Variants in SAMD14 observed in about 807,000 individuals in gnomAD.
SAMD14 encodes the protein sterile alpha motif domain-containing protein 14.
A neutral mutation model predicts 46.2 loss-of-function variants in SAMD14; 27 were observed. The observed-to-expected ratio is 0.58, with a 90% confidence interval of 0.43 to 0.81. The LOEUF is 0.81. Ranked by LOEUF, SAMD14 falls within the 30% of genes least tolerant of loss-of-function variation. The pLI is 0.00. For synonymous variants in SAMD14, 241 were observed against 254.3 expected, an observed-to-expected ratio of 0.95 and a Z score of 0.50; for missense variants, 559 against 582.2, an observed-to-expected ratio of 0.96 and a Z score of 0.41.
At position 50,117,690 on chromosome 17, in the gene SAMD14, G is replaced by T; in HGVS notation, c.216C>A (p.Thr72=). 2 of 1,452,678 alleles carry T rather than the reference G, an allele frequency of 1.4e-6. No individual in the cohort carries two copies. The highest frequency in any genetic ancestry group is 2.7e-5 in the East Asian group (1 of 36,482). 90.0% of individuals were successfully genotyped at this position (1,452,678 alleles called of 1,614,324 possible). ...EGSDGPGGKV[T]DGCGSPLHRL... ...GGTGCAGGGGGCTCCCGCAGCCATC[G>T]GTCACCTGGACGAGGGGGCAGCCGC... is the stretch of plus-strand genomic sequence containing the variant. The change falls in exon 4 of 10, where the codon ACC becomes ACA. Residue 72 remains threonine (T), a synonymous_variant. Coordinates refer to ENST00000330175, the MANE Select transcript of SAMD14 (RefSeq NM_001257359.2).
chr17:50,127,827 G>T (rs1911849054), intron 1 of SAMD14, among the ~76,000 whole-genome samples: 1 of 152,164 alleles, frequency 6.6e-6, no homozygotes, highest in African/African-American at 2.4e-5. Context: ...CACATTTCCT[G>T]ATTCAACCAC....
Position 50,118,224 on chromosome 17 carries a change from G to A in SAMD14, c.147C>T (p.Ser49=). ...AKGRRHRPSR[S]RLRDSASSAE... is the part of the protein sequence containing the mutation. ...CGGAGCTGGCACTGTCCCGAAGCCT[G>A]GAGCGGGATGGCCGGTGTCTCCGGC... Residue 49 remains serine (S), a synonymous_variant, in exon 3 of 10, where the codon TCC becomes TCT. Coordinates refer to ENST00000330175, the MANE Select transcript of SAMD14 (RefSeq NM_001257359.2). The A allele has an allele frequency of 6.2e-7, 1 of 1,613,798 alleles. No homozygotes were observed. Among genetic ancestry groups the A allele is most frequent in the Non-Finnish European group, 8.5e-7 (1 of 1,179,854 alleles).
At chr17:50,128,135 C>A (rs1353747965) in intron 1 of SAMD14, among the ~76,000 whole-genome samples, 2 of 152,286 alleles carry the variant, frequency 1.3e-5, no homozygotes, top group Non-Finnish European at 1.5e-5. Context: ...AGTGTTGTCT[C>A]CTTTCTGCCT....
Position 50,113,046 on chromosome 17 carries a change from G to C in SAMD14, c.1101C>G (p.Ser367Arg). The change falls in exon 10 of 10, where the codon AGC (serine) becomes AGG (arginine). Residue 367 changes from serine to arginine, a missense_variant and splice_region_variant. Ser to Arg is a moderately radical substitution (Grantham distance 110). Coordinates refer to ENST00000330175, the MANE Select transcript of SAMD14 (RefSeq NM_001257359.2). Reference sequence around the variant, plus strand: ...GGTCATGAGAGTTGCTGAGCCCCAGGCTCTGGGGAGGAGTCCGGGGTGAGG... The same window carrying C: ...GGTCATGAGAGTTGCTGAGCCCCAGCCTCTGGGGAGGAGTCCGGGGTGAGG... ...LLQLDGSKLK[S>R]LGLSNSHDRA... 6.2e-7 allele frequency: 1 copy of C among 1,611,676 alleles called. No homozygotes were observed. The highest frequency in any genetic ancestry group is 1.1e-5 in the South Asian group (1 of 91,082).
rs953554306 is a variant in SAMD14 at position 50,111,390 on chromosome 17, A to G, written c.*1503T>C. The G allele has an allele frequency of 3.9e-5, 6 of 152,386 alleles. No individual in the cohort carries two copies. Among genetic ancestry groups the G allele is most frequent in the South Asian group, 2.1e-4 (1 of 4,824 alleles). The allele number at this position is 152,386 out of a possible 1,614,324, so 9.4% of individuals were successfully genotyped here. On this transcript the variant is annotated 3_prime_UTR_variant, in exon 10 of 10. Transcript: ENST00000330175. ...CTTCACATGCAGGTGGGCACCCACT[A>G]TAGCTACTGATGGCTTTAAGGATGT...
chr17:50,113,833 T>C, intron 9 of SAMD14, 91 bp downstream of exon 9: 1 of 1,518,692 alleles, frequency 6.6e-7, no homozygotes. Flanking sequence ...GAGGCTGGGC[T>C]GAGGGTCAAA....
intron 4 of SAMD14, among the ~76,000 whole-genome samples, chr17:50,117,180 GATGATA>G (rs1911249728): frequency 6.6e-6 from 1 of 152,212 alleles, no homozygotes; most frequent in African/African-American, 2.4e-5. Flanking sequence ...AAACCACTAT[GATGATA>G]AAGACTGCAT....
In SAMD14 at chr17:50,117,618, G is replaced by C. The variant is rs1317846209; in HGVS notation, c.288C>G (p.Gly96=). 6.4e-7 allele frequency: 1 copy of C among 1,557,116 alleles called. No individual in the cohort carries two copies. The highest frequency in any genetic ancestry group is 8.6e-7 in the Non-Finnish European group (1 of 1,161,442). Residue 96 remains glycine, a synonymous_variant, in exon 4 of 10, where the codon GGC becomes GGG. Transcript: ENST00000330175. ...ACCCCGGAGGATCCAGGCAGAAAGA[G>C]CCCCCGGCCGGGGACCCCGGGCCTG... ...LHSGPGSPAG[G]SFCLDPPGLR... is the part of the protein sequence containing the mutation.
At chr17:50,113,739 A>AACTC (rs1221481688) in intron 9 of SAMD14, 185 bp downstream of exon 9, 1 of 632,296 alleles carries the variant, frequency 1.6e-6, no homozygotes, top group African/African-American at 1.8e-5. Context: ...TTCATGCTAC[A>AACTC]ACTCAAAAGA....
Position 50,114,056 on chromosome 17 carries a change from A to AGGGGGGAGGGGTTCATCC in SAMD14, c.948_965dup (p.Asp317_Pro322dup), listed in dbSNP as rs757436373. 6.2e-7 allele frequency: 1 copy of AGGGGGGAGGGGTTCATCC among 1,613,530 alleles called. No homozygotes were observed. Among genetic ancestry groups the AGGGGGGAGGGGTTCATCC allele is most frequent in the Non-Finnish European group, 8.5e-7 (1 of 1,179,974 alleles). ...CCTGCTGGCTGGTCCAGTGGTGGAC[A>AGGGGGGAGGGGTTCATCC]GGGGGGAGGGGTTCATCCAGGAACT... On this transcript the variant is annotated inframe_insertion, in exon 9 of 10. Coordinates refer to ENST00000330175, the MANE Select transcript of SAMD14 (RefSeq NM_001257359.2).
In SAMD14 at chr17:50,124,933, G is replaced by A. The variant is rs1350252608; in HGVS notation, c.27C>T (p.Pro9=). Residue 9 remains proline (P), a synonymous_variant, in exon 2 of 10, where the codon CCC becomes CCT. Transcript: ENST00000330175. The part of the protein sequence containing the change: MASSKLRE[P]VDEVFDLDLA... ...AGAACTTACCAAAAACTTCATCCAC[G>A]GGTTCTCGGAGCTTTGAAGAAGCCA... The A allele has an allele frequency of 8.1e-6, 13 of 1,613,912 alleles. No homozygotes were observed. Among genetic ancestry groups the A allele is most frequent in the South Asian group, 3.3e-5 (3 of 91,066 alleles).
rs779401384 is a variant in SAMD14 at position 50,115,610 on chromosome 17, C to G, written c.776G>C (p.Cys259Ser). ...GCTGAAGCCCTCGTGTTTAGGGGAG[C>G]AGGTGGGGGAGGTGGTGCTACCCGA... ...ASSGSTTSPT[C>S]SPKHEGFSPK... The change falls in exon 7 of 10, where the codon TGC (cysteine) becomes TCC (serine). Residue 259 changes from cysteine to serine, a missense_variant. Cys to Ser is a moderately radical substitution (Grantham distance 112). Coordinates refer to ENST00000330175, the MANE Select transcript of SAMD14 (RefSeq NM_001257359.2). The surrounding 1 kb of genome is among the most constrained non-coding windows in gnomAD (Gnocchi z 5.3). 2.4e-5 allele frequency: 39 copies of G among 1,594,812 alleles called. No homozygotes were observed. The highest frequency in any genetic ancestry group is 3.1e-5 in the Non-Finnish European group (36 of 1,168,798).
In SAMD14 at chr17:50,112,783, G is replaced by A. The variant is rs760336290; in HGVS notation, c.*110C>T. 40 of 1,288,594 alleles carry A rather than the reference G, an allele frequency of 3.1e-5. No homozygotes were observed. The highest frequency in any genetic ancestry group is 2.8e-4 in the Middle Eastern group (1 of 3,596). The allele number at this position is 1,288,594 out of a possible 1,614,324, so 79.8% of individuals were successfully genotyped here. On this transcript the variant is annotated 3_prime_UTR_variant, in exon 10 of 10. Transcript: ENST00000330175. ...GAGAGCATGTCCCCCCTGAGAGCGT[G>A]GGACCAGGCTAGCCCAAGTGCAGCG...
Position 50,112,564 on chromosome 17 carries a change from A to T in SAMD14, c.*329T>A. The T allele has an allele frequency of 4.8e-6, 1 of 206,670 alleles. No individual in the cohort carries two copies. The highest frequency in any genetic ancestry group is 1.2e-4 in the East Asian group (1 of 8,464). The allele number at this position is 206,670 out of a possible 1,614,324, so 12.8% of individuals were successfully genotyped here. A position where few individuals can be genotyped will look rare whatever the true frequency, so the allele number is the denominator to read the frequency against. On this transcript the variant is annotated 3_prime_UTR_variant, in exon 10 of 10. Coordinates refer to ENST00000330175, the MANE Select transcript of SAMD14 (RefSeq NM_001257359.2). ...TCCACCCCAGCCCCACGATGGCCTGAGGGCAATGGGACAGCCTGACCCAGC... is the reference window on the plus strand; with the variant it reads ...TCCACCCCAGCCCCACGATGGCCTGTGGGCAATGGGACAGCCTGACCCAGC...
chr17:50,113,522 C>G (rs1014435848), intron 9 of SAMD14: 2 of 279,350 alleles, frequency 7.2e-6, no homozygotes, highest in Non-Finnish European at 1.4e-5. Flanking sequence ...CACCCCCTTC[C>G]TACAGCCTCC....
chr17:50,122,264 G>A (rs1911538480), intron 2 of SAMD14, among the ~76,000 whole-genome samples: 1 of 152,202 alleles, frequency 6.6e-6, no homozygotes, highest in Non-Finnish European at 1.5e-5. Flanking sequence ...AACCTGCAGA[G>A]GGTGAAACCC....
At chr17:50,128,368 C>T (rs924500634) in intron 1 of SAMD14, among the ~76,000 whole-genome samples, 1 of 151,912 alleles carries the variant, frequency 6.6e-6, no homozygotes, top group Non-Finnish European at 1.5e-5. Flanking sequence ...ACATTGTGTC[C>T]AGGGGGTCAC....
rs1447776499 is a variant in SAMD14 at position 50,111,117 on chromosome 17, A to C, written c.*1776T>G. ...CACACGTGCGCACGTACACACGCACACTGCGGTGCCCTGTGACCACCACAT... is the reference window on the plus strand; with the variant it reads ...CACACGTGCGCACGTACACACGCACCCTGCGGTGCCCTGTGACCACCACAT... On this transcript the variant is annotated 3_prime_UTR_variant, in exon 10 of 10. Transcript: ENST00000330175. 6.6e-6 allele frequency: 1 copy of C among 152,330 alleles called. No individual in the cohort carries two copies. The highest frequency in any genetic ancestry group is 6.5e-5 in the Admixed American group (1 of 15,280). 9.4% of individuals were successfully genotyped at this position (152,330 alleles called of 1,614,324 possible).
At chr17:50,126,596 C>T (rs1304250750) in intron 1 of SAMD14, among the ~76,000 whole-genome samples, 3 of 152,104 alleles carry the variant, frequency 2.0e-5, no homozygotes, top group African/African-American at 7.2e-5. Flanking sequence ...TGAGCCACCG[C>T]GCCTGGCCTG....
Sources: allele counts gnomAD v4.1 joint callset (sites outside exome capture counted in the v4.1 genomes callset), GRCh38; gene constraint gnomAD v4.1.1; non-coding constraint Gnocchi (gnomAD v3.1); transcripts MANE v1.5; gene names NCBI Gene and HGNC (gene_info 2026-07-23, HGNC 2026-07-21).